ST8SIA6: variants seen among roughly 807,000 people sequenced by gnomAD.
The protein encoded by ST8SIA6 is ST8 alpha-N-acetyl-neuraminide alpha-2,8-sialyltransferase 6.
A neutral mutation model predicts 33.6 loss-of-function variants in ST8SIA6; 39 were observed. The observed-to-expected ratio is 1.16, with a 90% confidence interval of 0.90 to 1.52. The LOEUF is 1.52. Among genes scored for constraint, ST8SIA6 ranks in the 40% most tolerant of loss-of-function variants. The pLI is 0.00. For missense variants in ST8SIA6, 441 were observed against 443.8 expected (o/e 0.99, Z 0.06); for synonymous variants, 172 against 167.2 (o/e 1.03, Z -0.22).
intron 4 of ST8SIA6, among the ~76,000 whole-genome samples, chr10:17,357,731 C>A (rs1322641872): frequency 6.6e-6 from 1 of 152,122 alleles, no homozygotes; most frequent in African/African-American, 2.4e-5. Flanking sequence ...TCATTACTCT[C>A]AAGAGGCTTG....
rs146129613 is a variant in ST8SIA6, at chr10:17,350,176, T to G, written c.377+9338A>C. Among the ~76,000 whole-genome samples the G allele has an allele frequency of 5.1e-3, 783 of 152,294 alleles. 3 individuals carry two copies. The highest frequency in any genetic ancestry group is 0.013 in the Admixed American group (194 of 15,290). ...TGGGCAAGAAGTAGATGAGAAGGAT[T>G]CATCGTGGTTCATGGTGACCAGTTT... On this transcript the variant is annotated intron_variant, in intron 4 of 7. Coordinates refer to ENST00000377602, the MANE Select transcript of ST8SIA6 (RefSeq NM_001004470.3).
intron 4 of ST8SIA6, among the ~76,000 whole-genome samples, chr10:17,359,125 A>G (rs1023650088): frequency 1.3e-5 from 2 of 152,228 alleles, no homozygotes; most frequent in Non-Finnish European, 2.9e-5. Context: ...GTAGAAAACA[A>G]AAGTTGTTCT....
intron 4 of ST8SIA6, among the ~76,000 whole-genome samples, chr10:17,338,400 A>T (rs1359111058): frequency 1.3e-5 from 2 of 152,230 alleles, no homozygotes; most frequent in Non-Finnish European, 2.9e-5. Flanking sequence ...CAAAGCATAC[A>T]GTTTGTAAAC....
chr10:17,382,395 A>T (rs868546826), intron 3 of ST8SIA6, among the ~76,000 whole-genome samples: 1 of 152,128 alleles, frequency 6.6e-6, no homozygotes, highest in Non-Finnish European at 1.5e-5. Flanking sequence ...CCTCCAGAGT[A>T]GCTGGGACTA....
At chr10:17,353,742 T>C (rs1261291201) in intron 4 of ST8SIA6, among the ~76,000 whole-genome samples, 1 of 152,188 alleles carries the variant, frequency 6.6e-6, no homozygotes, top group Non-Finnish European at 1.5e-5. Flanking sequence ...GCATGAGTCA[T>C]AAATGTGTGG....
chr10:17,334,531 TCC>T (rs1372998263), intron 4 of ST8SIA6, among the ~76,000 whole-genome samples: 1 of 139,064 alleles, frequency 7.2e-6, no homozygotes, highest in African/African-American at 2.7e-5. Flanking sequence ...AGAGCGAGAC[TCC>T]GTTTCAAAAA....
chr10:17,451,983 G>T (rs910397625), intron 2 of ST8SIA6, among the ~76,000 whole-genome samples: 6 of 152,112 alleles, frequency 3.9e-5, no homozygotes, highest in African/African-American at 1.4e-4. Flanking sequence ...ATTCATCAAA[G>T]ATTACCTCTA....
intron 3 of ST8SIA6, among the ~76,000 whole-genome samples, chr10:17,381,299 G>A (rs528134974): frequency 6.8e-4 from 103 of 151,996 alleles, no homozygotes; most frequent in Non-Finnish European, 9.6e-4. Context: ...AACTACCTAG[G>A]GTTGTAAAAC....
intron 3 of ST8SIA6, among the ~76,000 whole-genome samples, chr10:17,388,927 G>C (rs1850479280): frequency 6.6e-6 from 1 of 152,108 alleles, no homozygotes; most frequent in South Asian, 2.1e-4. Context: ...CTGGCTCCAA[G>C]AGTCTGAACC....
intron 2 of ST8SIA6, among the ~76,000 whole-genome samples, chr10:17,398,062 C>T (rs977104108): frequency 3.3e-5 from 5 of 152,220 alleles, no homozygotes; most frequent in Admixed American, 6.5e-5. Flanking sequence ...CACAGTGGCT[C>T]ATGCCTGTAA....
chr10:17,377,203 C>G (rs1849948283), intron 3 of ST8SIA6, among the ~76,000 whole-genome samples: 1 of 152,184 alleles, frequency 6.6e-6, no homozygotes, highest in Non-Finnish European at 1.5e-5. Context: ...ACCTTATGAC[C>G]TGCCCCTGCC....
At position 17,323,248 on chromosome 10, in the gene ST8SIA6, CACCT is replaced by C. The variant is rs1325504454; in HGVS notation, c.636-95_636-92del. 4 of 745,582 alleles carry C rather than the reference CACCT, an allele frequency of 5.4e-6. No homozygotes were observed. In the East Asian group the frequency reaches 1.1e-4, roughly 20 times the overall value. The allele number at this position is 745,582 out of a possible 1,614,324, so 46.2% of individuals were successfully genotyped here. ...ATGCGCGCACACACACACACACACA[CACCT>C]ATCTATAATAATTGTTCTTATGTTG... is the stretch of plus-strand genomic sequence containing the variant. On this transcript the variant is annotated intron_variant, in intron 6 of 7. Transcript: ENST00000377602.
intron 4 of ST8SIA6, among the ~76,000 whole-genome samples, chr10:17,333,027 T>C (rs1848351381): frequency 6.6e-6 from 1 of 152,164 alleles, no homozygotes; most frequent in South Asian, 2.1e-4. Context: ...GATGCTAGCT[T>C]CTTTTGCTGT....
chr10:17,377,508 T>C (rs1016791360), intron 3 of ST8SIA6, among the ~76,000 whole-genome samples: 1 of 152,342 alleles, frequency 6.6e-6, no homozygotes, highest in East Asian at 1.9e-4. Context: ...ACCCTTGTGA[T>C]TGGCACCAGG....
chr10:17,322,926 A>G (rs1848003546), intron 7 of ST8SIA6, 139 bp downstream of exon 7: 1 of 637,626 alleles, frequency 1.6e-6, no homozygotes. Context: ...TTGCAAATGA[A>G]TTCTTATATA....
intron 2 of ST8SIA6, among the ~76,000 whole-genome samples, chr10:17,452,140 A>G (rs1852935447): frequency 1.3e-5 from 2 of 152,212 alleles, no homozygotes; most frequent in Admixed American, 1.3e-4. Flanking sequence ...CCTATAGTAC[A>G]CCAACCTGAA....
At chr10:17,419,611 A>T (rs1490572294) in intron 2 of ST8SIA6, among the ~76,000 whole-genome samples, 3 of 152,224 alleles carry the variant, frequency 2.0e-5, no homozygotes, top group East Asian at 1.9e-4. Context: ...TTATGGCTAG[A>T]TGTTTCCAAT....
At chr10:17,416,342 A>C (rs899859004) in intron 2 of ST8SIA6, among the ~76,000 whole-genome samples, 1 of 151,720 alleles carries the variant, frequency 6.6e-6, no homozygotes, top group Non-Finnish European at 1.5e-5. Context: ...AGCTCATTCT[A>C]CTCTCTGGCT....
chr10:17,325,884 G>T (rs897241111), intron 6 of ST8SIA6, among the ~76,000 whole-genome samples: 1 of 152,096 alleles, frequency 6.6e-6, no homozygotes. Context: ...AAAACTTATT[G>T]TATTGCCTAT....
Sources: gnomAD v4.1 joint callset for allele counts (sites outside exome capture counted in the v4.1 genomes callset) on GRCh38, gnomAD v4.1.1 for gene constraint, MANE v1.5 for transcripts, NCBI Gene and HGNC (gene_info 2026-07-23, HGNC 2026-07-21) for gene names.